The following LTBP1 variants were observed in gnomAD, a reference collection of about 807,000 sequenced individuals.
The protein encoded by LTBP1 is latent-transforming growth factor beta-binding protein 1.
In LTBP1, 129 loss-of-function variants were observed where a neutral mutation model predicts 207.6. That is an observed-to-expected ratio of 0.62 (90% CI 0.54 to 0.72). The LOEUF is 0.72. LTBP1 is among the 30% of genes least tolerant of loss of function. LTBP1 has a pLI of 0.00. For synonymous variants in LTBP1, 963 were observed against 833.7 expected, an observed-to-expected ratio of 1.16 and a Z score of -2.67; for missense variants, 2,281 against 2,217.2, an observed-to-expected ratio of 1.03 and a Z score of -0.58.
chr2:33,136,134 A>G (rs888058141), intron 5 of LTBP1, among the ~76,000 whole-genome samples: 1 of 152,216 alleles, frequency 6.6e-6, no homozygotes, highest in Non-Finnish European at 1.5e-5. Context: ...TACTTGGAAA[A>G]AATATGTGCC....
chr2:33,324,699 C>CT (rs35517435), intron 24 of LTBP1, among the ~76,000 whole-genome samples: 3,004 of 123,334 alleles, frequency 0.024, 121 homozygotes, highest in African/African-American at 0.051. Context: ...TGTATTCTAT[C>CT]TTTTTTTTTT....
At chr2:33,346,177 A>G (rs6730879) in intron 25 of LTBP1, among the ~76,000 whole-genome samples, 1,524 of 152,358 alleles carry the variant, frequency 0.01, 35 homozygotes, top group African/African-American at 0.035. Context: ...AATTTGTTTC[A>G]CATGAATGAT....
At chr2:33,034,937 A>G (rs119168) in intron 3 of LTBP1, among the ~76,000 whole-genome samples, 135,303 of 152,212 alleles carry the variant, frequency 0.89, 62,090 homozygotes, top group East Asian at 1. Context: ...AATGTTCTTC[A>G]GTTTTATTTT....
chr2:33,289,505 A>G (rs189898626), intron 19 of LTBP1, among the ~76,000 whole-genome samples: 90 of 152,162 alleles, frequency 5.9e-4, no homozygotes, highest in African/African-American at 2.0e-3. Context: ...GACTACAGGC[A>G]CGCACCACCA....
At chr2:33,197,575 G>T (rs189285575) in intron 7 of LTBP1, among the ~76,000 whole-genome samples, 3 of 152,248 alleles carry the variant, frequency 2.0e-5, no homozygotes, top group East Asian at 3.9e-4. Flanking sequence ...TTGTATAAGG[G>T]TGTCCTTTGT....
At chr2:33,001,960 T>G (rs1207543270) in intron 2 of LTBP1, among the ~76,000 whole-genome samples, 1 of 134,524 alleles carries the variant, frequency 7.4e-6, no homozygotes, top group Non-Finnish European at 1.6e-5. Flanking sequence ...AAAGCTGGCA[T>G]GGTGGCAAGG....
intron 9 of LTBP1, among the ~76,000 whole-genome samples, chr2:33,229,060 T>C (rs1238231643): frequency 6.6e-6 from 1 of 152,198 alleles, no homozygotes; most frequent in Admixed American, 6.5e-5. Flanking sequence ...TATTTGTTTA[T>C]ATTTTGTAAA....
At chr2:33,324,944 A>G (rs891612420) in intron 24 of LTBP1, among the ~76,000 whole-genome samples, 2 of 152,084 alleles carry the variant, frequency 1.3e-5, no homozygotes, top group Non-Finnish European at 2.9e-5. Flanking sequence ...TGACCTTGTA[A>G]TCCACCCACC....
chr2:33,122,147 C>T (rs1040061345), intron 4 of LTBP1, among the ~76,000 whole-genome samples: 3 of 151,408 alleles, frequency 2.0e-5, no homozygotes, highest in South Asian at 4.2e-4. Context: ...GTGGGTGGAA[C>T]GAGTCTATGG....
At chr2:33,135,419 G>A (rs4670254) in intron 5 of LTBP1, among the ~76,000 whole-genome samples, 146,707 of 152,294 alleles carry the variant, frequency 0.96, 70,705 homozygotes, top group East Asian at 1. Context: ...AAACTCCGAG[G>A]ATTGTCAAAA....
chr2:33,386,951 C>T (rs1294403512), intron 31 of LTBP1, among the ~76,000 whole-genome samples: 2 of 151,838 alleles, frequency 1.3e-5, no homozygotes. Flanking sequence ...CTGCCTCAGC[C>T]TCCTGAGTAG....
rs1451768109 is a variant in LTBP1 at position 33,315,237 on chromosome 2, T to C, written c.3698T>C (p.Phe1233Ser). ...TTCCATTGTGTCTGCCAGCAGGGTT[T>C]CTCAATCTCTGCAGATGGCCGTACG... ...GSFHCVCQQG[F>S]SISADGRTCE... Residue 1233 changes from phenylalanine (F) to serine (S), a missense_variant, in exon 24 of 34, where the codon TTC becomes TCC. Transcript: ENST00000404816. 1.2e-6 allele frequency: 2 copies of C among 1,613,612 alleles called. No individual in the cohort carries two copies. Among genetic ancestry groups the C allele is most frequent in the Non-Finnish European group, 1.7e-6 (2 of 1,179,902 alleles).
chr2:33,006,960 T>A (rs527250428), intron 2 of LTBP1, among the ~76,000 whole-genome samples: 38 of 152,334 alleles, frequency 2.5e-4, no homozygotes, highest in Non-Finnish European at 5.0e-4. Context: ...TGCTGCTCCC[T>A]TTTGGCATGT....
chr2:33,398,162 G>T (rs1478364681), intron 33 of LTBP1, among the ~76,000 whole-genome samples: 1 of 152,186 alleles, frequency 6.6e-6, no homozygotes, highest in Non-Finnish European at 1.5e-5. Flanking sequence ...CTAGATAACA[G>T]TGAAAGAAGT....
intron 7 of LTBP1, among the ~76,000 whole-genome samples, chr2:33,202,579 T>C (rs908617973): frequency 6.6e-6 from 1 of 152,234 alleles, no homozygotes; most frequent in Non-Finnish European, 1.5e-5. Context: ...GCCAGAATTA[T>C]TGTAACACTT....
intron 3 of LTBP1, among the ~76,000 whole-genome samples, chr2:33,051,432 A>C (rs72791793): frequency 0.12 from 17,668 of 152,000 alleles, 1,145 homozygotes; most frequent in Non-Finnish European, 0.15. Context: ...TAAGAAAAAA[A>C]ACACACACAC....
chr2:33,080,388 C>G (rs2149858227), intron 3 of LTBP1, among the ~76,000 whole-genome samples: 1 of 152,232 alleles, frequency 6.6e-6, no homozygotes, highest in Admixed American at 6.5e-5. Flanking sequence ...TGAAAAGGCC[C>G]TGGAGTCCTG....
intron 2 of LTBP1, among the ~76,000 whole-genome samples, chr2:33,017,932 A>G (rs1052915440): frequency 9.2e-5 from 14 of 152,124 alleles, no homozygotes; most frequent in Admixed American, 7.9e-4. Context: ...GAGTTAGGGA[A>G]TCTGTCCTCC....
At chr2:33,364,661 A>T (rs141003339) in intron 30 of LTBP1, among the ~76,000 whole-genome samples, 1 of 152,306 alleles carries the variant, frequency 6.6e-6, no homozygotes, top group East Asian at 1.9e-4. Flanking sequence ...AGGGAAATGT[A>T]ATTCAGGGAA....
Sources: gnomAD v4.1 joint callset for allele counts (sites outside exome capture counted in the v4.1 genomes callset) on GRCh38, gnomAD v4.1.1 for gene constraint, MANE v1.5 for transcripts, NCBI Gene and HGNC (gene_info 2026-07-23, HGNC 2026-07-21) for gene names.